The following ANK3 variants were observed in gnomAD, a reference collection of about 807,000 sequenced individuals.
ANK3 encodes the protein ankyrin 3, also known as ankyrin-3.
In ANK3, 57 loss-of-function variants were observed where a neutral mutation model predicts 370.9. That is an observed-to-expected ratio of 0.15 (90% confidence interval 0.12 to 0.19). ANK3 has a LOEUF of 0.19. ANK3 is among the 10% of genes least tolerant of loss of function. ANK3 has a pLI of 1.00. For missense variants in ANK3, 4,439 were observed against 5,302.1 expected, an observed-to-expected ratio of 0.84 and a Z score of 5.06; for synonymous variants, 1,929 against 1,946.3, an observed-to-expected ratio of 0.99 and a Z score of 0.23.
chr10:60,263,837 T>G lies in ANK3; in HGVS notation c.697A>C (p.Lys233Gln). Residue 233 changes from lysine to glutamine, a missense_variant and splice_region_variant, in exon 6 of 44, where the codon AAG (lysine) becomes CAG (glutamine). Transcript: ENST00000280772. ...QNDNNADVESKSGFTPLHIAA... is the reference protein window; with the variant it reads ...QNDNNADVESQSGFTPLHIAA... The stretch of plus-strand genomic sequence containing the variant: ...GGCCCGTGTCCCTCGTGCCTCACCT[T>G]TGATTCCACATCTGCATTGTTGTCA... 6.2e-7 allele frequency: 1 copy of G among 1,613,864 alleles called. No individual in the cohort carries two copies. The highest frequency in any genetic ancestry group is 8.5e-7 in the Non-Finnish European group (1 of 1,180,002).
chr10:60,429,327 A>C (rs1595013938), intron 2 of ANK3, among the ~76,000 whole-genome samples: 1 of 152,306 alleles, frequency 6.6e-6, no homozygotes, highest in East Asian at 1.9e-4. Flanking sequence ...TAAGAAAGAA[A>C]GGAAGTAAAA....
chr10:60,034,098 G>GT (rs1466512646), intron 43 of ANK3, among the ~76,000 whole-genome samples: 4 of 126,312 alleles, frequency 3.2e-5, no homozygotes, highest in Admixed American at 7.7e-5. Flanking sequence ...TTTTTGTTTT[G>GT]TTTTTTGGTT....
At chr10:60,180,948 C>G (rs186637741) in intron 18 of ANK3, among the ~76,000 whole-genome samples, 2 of 152,066 alleles carry the variant, frequency 1.3e-5, no homozygotes, top group South Asian at 2.1e-4. Flanking sequence ...TCATGCTGAA[C>G]GAACGTAGAG....
At chr10:60,546,303 T>C (rs2076963108) in intron 2 of ANK3, among the ~76,000 whole-genome samples, 1 of 152,210 alleles carries the variant, frequency 6.6e-6, no homozygotes, top group Non-Finnish European at 1.5e-5. Context: ...CCCAAAGAGC[T>C]GAAATTATAG....
intron 2 of ANK3, among the ~76,000 whole-genome samples, chr10:60,578,764 T>C (rs2077712217): frequency 6.6e-6 from 1 of 152,056 alleles, no homozygotes; most frequent in Non-Finnish European, 1.5e-5. Flanking sequence ...TCCAACAACA[T>C]AGAACTATCA....
chr10:60,194,911 T>A (rs1158142278), intron 16 of ANK3, among the ~76,000 whole-genome samples: 1 of 152,152 alleles, frequency 6.6e-6, no homozygotes, highest in East Asian at 1.9e-4. Flanking sequence ...GGAAGAAATA[T>A]CTGTCGAAGA....
intron 2 of ANK3, among the ~76,000 whole-genome samples, chr10:60,447,561 A>G (rs1401176839): frequency 1.3e-5 from 2 of 152,196 alleles, no homozygotes; most frequent in African/African-American, 4.8e-5. Flanking sequence ...TGGGGGGGAA[A>G]AAAAGCAAAC....
chr10:60,377,739 C>A (rs2060989602), intron 1 of ANK3, among the ~76,000 whole-genome samples: 1 of 152,160 alleles, frequency 6.6e-6, no homozygotes, highest in Non-Finnish European at 1.5e-5. Flanking sequence ...GGCAGGGTGC[C>A]TTAGAGTCTG....
chr10:60,697,199 A>C (rs1161670334), intron 1 of ANK3, among the ~76,000 whole-genome samples: 1,690 of 150,064 alleles, frequency 0.011, 28 homozygotes, highest in African/African-American at 0.039. Context: ...CTTACAAGGG[A>C]TGTGAAGGAC....
intron 2 of ANK3, among the ~76,000 whole-genome samples, chr10:60,582,203 T>C (rs1255328305): frequency 6.6e-6 from 1 of 152,062 alleles, no homozygotes; most frequent in African/African-American, 2.4e-5. Context: ...CAAACCACCA[T>C]GGCACATGTA....
intron 43 of ANK3, among the ~76,000 whole-genome samples, chr10:60,034,821 AGTT>A (rs2074545498): frequency 6.6e-6 from 1 of 152,108 alleles, no homozygotes; most frequent in Non-Finnish European, 1.5e-5. Context: ...CCTTCTCTGT[AGTT>A]ACAGAAATCA....
chr10:60,262,678 T>C (rs1421664050), intron 6 of ANK3, among the ~76,000 whole-genome samples: 3 of 152,186 alleles, frequency 2.0e-5, no homozygotes, highest in Admixed American at 1.3e-4. Context: ...CACTGAGTCT[T>C]GTAGAAGGGT....
intron 25 of ANK3, among the ~76,000 whole-genome samples, chr10:60,130,168 T>TA (rs1426993236): frequency 1.3e-5 from 2 of 152,164 alleles, no homozygotes; most frequent in Admixed American, 1.3e-4. Flanking sequence ...TAGGACTAAG[T>TA]ACTCAGGCTC....
At chr10:60,265,773 T>C (rs2097866980) in intron 5 of ANK3, among the ~76,000 whole-genome samples, 1 of 152,196 alleles carries the variant, frequency 6.6e-6, no homozygotes, top group Non-Finnish European at 1.5e-5. Flanking sequence ...ATAATTCATC[T>C]GACTGAATGC....
intron 2 of ANK3, among the ~76,000 whole-genome samples, chr10:60,485,835 A>G (rs118052890): frequency 0.013 from 2,011 of 152,312 alleles, 38 homozygotes; most frequent in Admixed American, 0.05. Flanking sequence ...TTCTATCTAA[A>G]GCAACTGTAA....
At chr10:60,674,333 A>G (rs941942666) in intron 1 of ANK3, among the ~76,000 whole-genome samples, 11 of 152,178 alleles carry the variant, frequency 7.2e-5, no homozygotes, top group African/African-American at 2.7e-4. Flanking sequence ...CTGTACAGGA[A>G]GCATGGTGCC....
At chr10:60,681,246 A>G (rs74155677) in intron 1 of ANK3, among the ~76,000 whole-genome samples, 1,639 of 152,288 alleles carry the variant, frequency 0.011, 28 homozygotes, top group African/African-American at 0.037. Flanking sequence ...TAATCAGAGT[A>G]CAAATCTTAT....
intron 2 of ANK3, among the ~76,000 whole-genome samples, chr10:60,406,352 A>C (rs1056568072): frequency 1.3e-5 from 2 of 152,216 alleles, no homozygotes; most frequent in Non-Finnish European, 2.9e-5. Context: ...TTTTTGGCAC[A>C]AGGGACTGGT....
At chr10:60,678,546 T>G (rs2079155639) in intron 1 of ANK3, among the ~76,000 whole-genome samples, 2 of 152,218 alleles carry the variant, frequency 1.3e-5, no homozygotes. Flanking sequence ...ATATTTAATT[T>G]ATAAAATGCT....
Sources: gnomAD v4.1 joint callset for allele counts (sites outside exome capture counted in the v4.1 genomes callset) on GRCh38, gnomAD v4.1.1 for gene constraint, MANE v1.5 for transcripts, NCBI Gene and HGNC (gene_info 2026-07-23, HGNC 2026-07-21) for gene names.